Variants in SBF2 observed in about 807,000 individuals in gnomAD.
SBF2 encodes SET binding factor 2.
SBF2 carries 112 observed loss-of-function variants against 225.2 expected under a neutral mutation model. That is an observed-to-expected ratio of 0.50 (90% confidence interval 0.43 to 0.58). The LOEUF is 0.58. Ranked by LOEUF, SBF2 falls within the 20% of genes least tolerant of loss-of-function variation. The pLI, the probability that SBF2 is intolerant of heterozygous loss-of-function variation, is 0.00. For synonymous variants in SBF2, 763 were observed against 773.3 expected (o/e 0.99, Z 0.22); for missense variants, 1,996 against 2,206.2 (o/e 0.90, Z 1.91).
intron 16 of SBF2, among the ~76,000 whole-genome samples, chr11:9,942,467 T>G (rs1865312129): frequency 6.6e-6 from 1 of 152,228 alleles, no homozygotes; most frequent in Non-Finnish European, 1.5e-5. Flanking sequence ...CAATGTAATC[T>G]TAATTTAAGT....
At chr11:10,277,976 CAG>C (rs1354784077) in intron 1 of SBF2, among the ~76,000 whole-genome samples, 1 of 152,158 alleles carries the variant, frequency 6.6e-6, no homozygotes, top group African/African-American at 2.4e-5. Flanking sequence ...AAGAAACTAG[CAG>C]AGTGTTGGAG....
At chr11:9,890,050 TG>T (rs1363157805) in intron 17 of SBF2, among the ~76,000 whole-genome samples, 1 of 152,084 alleles carries the variant, frequency 6.6e-6, no homozygotes, top group Non-Finnish European at 1.5e-5. Flanking sequence ...ACTACAGAAG[TG>T]TGCCACCATG....
At chr11:10,146,812 A>G (rs932723521) in intron 2 of SBF2, among the ~76,000 whole-genome samples, 5 of 152,190 alleles carry the variant, frequency 3.3e-5, no homozygotes, top group Non-Finnish European at 7.3e-5. Context: ...AAATTTTTGC[A>G]AGCTATGTAT....
rs112624874 is a variant in SBF2 at position 10,267,800 on chromosome 11, G to A, written c.55+26215C>T. Among the ~76,000 whole-genome samples, 200 of 152,280 alleles carry A rather than the reference G, an allele frequency of 1.3e-3. 1 individual carries two copies. Among genetic ancestry groups the A allele is most frequent in the African/African-American group, 3.9e-3 (164 of 41,574 alleles). On this transcript the variant is annotated intron_variant, in intron 1 of 39. Coordinates refer to ENST00000256190, the MANE Select transcript of SBF2 (RefSeq NM_030962.4). ...CAGTGAAAGGGAGTTTAAGGTGGGG[G>A]TGAGGGAGAAGGGAGTAATATGGTT... is the stretch of plus-strand genomic sequence containing the variant.
Position 10,046,677 on chromosome 11 carries a change from T to TG in SBF2, c.142-3697dup, listed in dbSNP as rs1235232131. The stretch of plus-strand genomic sequence containing the variant: ...CTATGGCTAGTACCATACTTAATGC[T>TG]GAAAAACTCAAAGCTTTCCAAGAAT... On this transcript the variant is annotated intron_variant, in intron 2 of 39. Coordinates refer to ENST00000256190, the MANE Select transcript of SBF2 (RefSeq NM_030962.4). 4.3e-4 allele frequency among the ~76,000 whole-genome samples: 65 copies of TG among 151,674 alleles called. 1 individual carries two copies. The highest frequency in any genetic ancestry group is 1.3e-4 in the Non-Finnish European group (9 of 67,896).
At chr11:10,028,356 A>C in intron 6 of SBF2, 96 bp downstream of exon 6, 2 of 826,142 alleles carry the variant, frequency 2.4e-6, no homozygotes, top group South Asian at 2.7e-5. Flanking sequence ...TTTAAAAAAC[A>C]TTTTCTTGAT....
At chr11:9,787,320 C>T (rs1852439236) in intron 36 of SBF2, among the ~76,000 whole-genome samples, 1 of 152,150 alleles carries the variant, frequency 6.6e-6, no homozygotes, top group Non-Finnish European at 1.5e-5. Flanking sequence ...TTGGCATTCC[C>T]CTCCTGCCTT....
intron 13 of SBF2, among the ~76,000 whole-genome samples, chr11:9,981,506 T>C (rs956031046): frequency 1.3e-5 from 2 of 152,230 alleles, no homozygotes; most frequent in African/African-American, 4.8e-5. Flanking sequence ...AAAAGTTTAC[T>C]TGATTTATAA....
upstream of SBF2, chr11:10,294,236 T>C: frequency 2.2e-6 from 1 of 462,080 alleles, no homozygotes; most frequent in Non-Finnish European, 3.4e-6. Flanking sequence ...GCGCGGCGCC[T>C]AGTGCCCGCT....
intron 17 of SBF2, among the ~76,000 whole-genome samples, chr11:9,867,216 T>C (rs1252916381): frequency 6.6e-6 from 1 of 152,208 alleles, no homozygotes; most frequent in African/African-American, 2.4e-5. Context: ...TAATGCATGC[T>C]TGTATCAAAA....
chr11:10,200,975 T>C (rs1007996911), intron 1 of SBF2, among the ~76,000 whole-genome samples: 7 of 152,340 alleles, frequency 4.6e-5, no homozygotes, highest in Admixed American at 1.3e-4. Context: ...AAACATGCTA[T>C]ATACACATTA....
intron 24 of SBF2, among the ~76,000 whole-genome samples, chr11:9,844,342 G>T (rs1856387998): frequency 6.6e-6 from 1 of 152,124 alleles, no homozygotes; most frequent in Non-Finnish European, 1.5e-5. Context: ...TCAGGCAAAG[G>T]AAGGGCCTCT....
intron 1 of SBF2, among the ~76,000 whole-genome samples, chr11:10,218,096 C>G (rs1958196181): frequency 6.6e-6 from 1 of 152,094 alleles, no homozygotes; most frequent in Non-Finnish European, 1.5e-5. Context: ...GACAGGGATT[C>G]ACCATATTGG....
Position 9,845,551 on chromosome 11 carries a change from G to A in SBF2, c.3110+14C>T, listed in dbSNP as rs1424520651. Reference sequence around the variant, plus strand: ...CGGGAGGGCTGAAATTAACAGACTTGTCTTTCTTCTTACCGAAAAGAAGTG... The same window carrying A: ...CGGGAGGGCTGAAATTAACAGACTTATCTTTCTTCTTACCGAAAAGAAGTG... On this transcript the variant is annotated intron_variant, in intron 24 of 39. Coordinates refer to ENST00000256190, the MANE Select transcript of SBF2 (RefSeq NM_030962.4). 1 of 1,610,712 alleles carries A rather than the reference G, an allele frequency of 6.2e-7. No homozygotes were observed. Among genetic ancestry groups the A allele is most frequent in the Non-Finnish European group, 8.5e-7 (1 of 1,177,058 alleles).
intron 23 of SBF2, 70 bp from the exon 24 acceptor site, chr11:9,845,810 G>A: frequency 2.8e-6 from 4 of 1,421,590 alleles, no homozygotes; most frequent in Non-Finnish European, 3.0e-6. Context: ...CCAAACAACA[G>A]AATATAATAA....
intron 2 of SBF2, among the ~76,000 whole-genome samples, chr11:10,076,242 G>A (rs1034698017): frequency 6.6e-6 from 1 of 152,174 alleles, no homozygotes; most frequent in African/African-American, 2.4e-5. Context: ...TTGGAGAACA[G>A]GGAGACTGTA....
upstream of SBF2, among the ~76,000 whole-genome samples, chr11:10,295,926 T>C (rs1964518479): frequency 6.6e-6 from 1 of 152,196 alleles, no homozygotes; most frequent in Non-Finnish European, 1.5e-5. Flanking sequence ...CTTGAAAATG[T>C]AGAATTCAGT....
intron 31 of SBF2, chr11:9,808,600 T>A: frequency 2.4e-6 from 1 of 411,722 alleles, no homozygotes; most frequent in Non-Finnish European, 4.5e-6. Flanking sequence ...GGGGATGGAC[T>A]GACAAAACCC....
chr11:9,811,926 G>A (rs901257214), intron 30 of SBF2, among the ~76,000 whole-genome samples: 4 of 152,004 alleles, frequency 2.6e-5, no homozygotes, highest in Non-Finnish European at 4.4e-5. Context: ...GACCAGCCTG[G>A]GCAATATAAG....
Sources: gnomAD v4.1 joint callset for allele counts (sites outside exome capture counted in the v4.1 genomes callset) on GRCh38, gnomAD v4.1.1 for gene constraint, MANE v1.5 for transcripts, NCBI Gene and HGNC (gene_info 2026-07-23, HGNC 2026-07-21) for gene names.